The following SLC43A1 variants were observed in gnomAD, a reference collection of about 807,000 sequenced individuals.
SLC43A1 encodes large neutral amino acids transporter small subunit 3.
SLC43A1 carries 31 observed loss-of-function variants against 59.5 expected under a neutral mutation model. The observed-to-expected ratio is 0.52, with a 90% CI of 0.39 to 0.70. SLC43A1 has a LOEUF of 0.70. Ranked by LOEUF, SLC43A1 falls within the 30% of genes least tolerant of loss-of-function variation. The pLI, the probability that SLC43A1 is intolerant of heterozygous loss-of-function variation, is 0.00. For missense variants in SLC43A1, 598 were observed against 717.8 expected, an observed-to-expected ratio of 0.83 and a Z score of 1.91; for synonymous variants, 259 against 290.9, an observed-to-expected ratio of 0.89 and a Z score of 1.12.
At chr11:57,512,523 GAC>G (rs1378428458) in intron 2 of SLC43A1, among the ~76,000 whole-genome samples, 1 of 150,282 alleles carries the variant, frequency 6.7e-6, no homozygotes, top group Non-Finnish European at 1.5e-5. Flanking sequence ...CAGCCTGGGT[GAC>G]AGAGTGAGAC....
rs1264630441 is a variant in SLC43A1 at position 57,515,572 on chromosome 11, CA to C, written c.-143del. The stretch of plus-strand genomic sequence containing the variant: ...CCGGCGCTGGGGTCTTCTCTGCGTG[CA>C]GGACCCGGCGGCCACGGAGCTTCAG... On this transcript the variant is annotated 5_prime_UTR_variant, in exon 1 of 15. Transcript: ENST00000278426. This position sits in a 1 kb window ranked among gnomAD's most constrained non-coding sequence, Gnocchi z 5.3. 2.0e-5 allele frequency: 3 copies of C among 152,254 alleles called. No individual in the cohort carries two copies. Among genetic ancestry groups the C allele is most frequent in the Admixed American group, 1.3e-4 (2 of 15,294 alleles). The allele number at this position is 152,254 out of a possible 1,614,324, so 9.4% of individuals were successfully genotyped here.
chr11:57,489,359 G>A lies in SLC43A1; in HGVS notation c.1227C>T (p.Arg409=). 1 of 1,614,206 alleles carries A rather than the reference G, an allele frequency of 6.2e-7. No individual in the cohort carries two copies. Among genetic ancestry groups the A allele is most frequent in the Non-Finnish European group, 8.5e-7 (1 of 1,180,034 alleles). The part of the protein sequence containing the change: ...DGVATKSIRP[R]YCKIQKLTNA... ...TGGTGAGCTTTTGGATCTTGCAGTA[G>A]CGTGGTCTGATGGATTTGGTAGCAA... The change falls in exon 12 of 15, where the codon CGC becomes CGT. Residue 409 remains arginine (R), a synonymous_variant. Transcript: ENST00000278426.
At chr11:57,492,258 T>A (rs1449811704) in intron 8 of SLC43A1, among the ~76,000 whole-genome samples, 3 of 139,134 alleles carry the variant, frequency 2.2e-5, no homozygotes, top group African/African-American at 8.0e-5. Flanking sequence ...ATATATATAT[T>A]TATATATATA....
At chr11:57,493,682 A>G (rs976454468) in intron 8 of SLC43A1, among the ~76,000 whole-genome samples, 2 of 152,132 alleles carry the variant, frequency 1.3e-5, no homozygotes, top group East Asian at 1.9e-4. Flanking sequence ...ACCTGATGCA[A>G]TAAGCTCAGA....
chr11:57,513,498 A>G (rs1356914830), intron 2 of SLC43A1, among the ~76,000 whole-genome samples: 1 of 152,246 alleles, frequency 6.6e-6, no homozygotes, highest in Non-Finnish European at 1.5e-5. Context: ...GCCCTCCTAG[A>G]GTAAATGAGG....
Position 57,506,841 on chromosome 11 carries a change from C to T in SLC43A1, c.155-5512G>A, listed in dbSNP as rs553354466. The stretch of plus-strand genomic sequence containing the variant: ...GAGGACTAAATATCTAACTAACAAA[C>T]AGTAAATGCCTAAAGAACTTTAGCA... On this transcript the variant is annotated intron_variant, in intron 2 of 14. Transcript: ENST00000278426. 7.3e-4 allele frequency among the ~76,000 whole-genome samples: 111 copies of T among 152,320 alleles called. 1 individual carries two copies. In the South Asian group the frequency reaches 0.021, roughly 29 times the overall value.
In SLC43A1 at chr11:57,496,142, GCCACA is replaced by G. The variant is rs766829618; in HGVS notation, c.576_580del (p.Val193LeufsTer32). Reference sequence around the variant, plus strand: ...CCAGGTGAACATGATGACCACGAAGGCCACACCGGCATCGTAGATCAGCTGTGAGA... The same window carrying G: ...CCAGGTGAACATGATGACCACGAAGGCCGGCATCGTAGATCAGCTGTGAGA... On this transcript the variant is annotated frameshift_variant, in exon 7 of 15. Transcript: ENST00000278426. LOFTEE classifies it high-confidence loss of function. 7.4e-6 allele frequency: 12 copies of G among 1,613,976 alleles called. No individual in the cohort carries two copies. Among genetic ancestry groups the G allele is most frequent in the Middle Eastern group, 1.6e-4 (1 of 6,080 alleles).
intron 2 of SLC43A1, among the ~76,000 whole-genome samples, chr11:57,505,968 T>C (rs1944384129): frequency 6.6e-6 from 1 of 152,200 alleles, no homozygotes; most frequent in Non-Finnish European, 1.5e-5. Context: ...AATGATCCCA[T>C]TTTCTTTGTC....
At chr11:57,487,296 C>A in intron 13 of SLC43A1, 78 bp from the exon 14 acceptor site, 1 of 1,538,716 alleles carries the variant, frequency 6.5e-7, no homozygotes, top group South Asian at 1.2e-5. Context: ...CCCCTCCCCA[C>A]CATGGTCCCC....
chr11:57,513,846 G>T, intron 2 of SLC43A1, 112 bp downstream of exon 2: 1 of 819,058 alleles, frequency 1.2e-6, no homozygotes, highest in Non-Finnish European at 2.0e-6. Context: ...AAGTGAGGCT[G>T]TCCAACTGCT....
intron 11 of SLC43A1, 97 bp downstream of exon 11, chr11:57,491,127 T>C (rs1943884111): frequency 1.4e-6 from 2 of 1,399,354 alleles, no homozygotes; most frequent in African/African-American, 2.9e-5. Flanking sequence ...CTAGGGTTCT[T>C]GGGAGAAAGC....
At chr11:57,492,458 A>T (rs993964653) in intron 8 of SLC43A1, among the ~76,000 whole-genome samples, 54 of 133,782 alleles carry the variant, frequency 4.0e-4, no homozygotes, top group Non-Finnish European at 6.7e-4. Context: ...ATATAATATA[A>T]ATATATATAT....
chr11:57,503,813 C>T (rs957186269), intron 2 of SLC43A1, among the ~76,000 whole-genome samples: 12 of 152,192 alleles, frequency 7.9e-5, no homozygotes, highest in African/African-American at 2.9e-4. Context: ...AATGTTGACC[C>T]TTATAGTGTT....
Position 57,514,121 on chromosome 11 carries a change from G to A in SLC43A1, c.-10C>T, listed in dbSNP as rs778315442. 28 of 1,580,542 alleles carry A rather than the reference G, an allele frequency of 1.8e-5. No homozygotes were observed. The African/African-American group carries it at 2.2e-4, about 12-fold the overall frequency. ...GCAGCGTGGGGGCCATGCTGGCCCCGAGCCTGCACAGAAACAGAGCGCTGG... is the reference window on the plus strand; with the variant it reads ...GCAGCGTGGGGGCCATGCTGGCCCCAAGCCTGCACAGAAACAGAGCGCTGG... On this transcript the variant is annotated 5_prime_UTR_variant, in exon 2 of 15. Coordinates refer to ENST00000278426, the MANE Select transcript of SLC43A1 (RefSeq NM_003627.6). This position sits in a 1 kb window ranked among gnomAD's most constrained non-coding sequence, Gnocchi z 5.5.
At chr11:57,485,302 A>G in intron 14 of SLC43A1, 60 bp from the exon 15 acceptor site, 1 of 1,512,502 alleles carries the variant, frequency 6.6e-7, no homozygotes, top group Non-Finnish European at 8.9e-7. Context: ...TTAGCCTCCC[A>G]CAGGGAGGAG....
intron 2 of SLC43A1, 128 bp downstream of exon 2, chr11:57,513,830 G>T: frequency 1.4e-6 from 1 of 733,390 alleles, no homozygotes; most frequent in Non-Finnish European, 2.4e-6. Flanking sequence ...GTTTGAAGAG[G>T]TCGAGAAGTG....
intron 5 of SLC43A1, among the ~76,000 whole-genome samples, chr11:57,499,026 T>TA (rs906356671): frequency 1.3e-5 from 2 of 151,902 alleles, no homozygotes; most frequent in East Asian, 3.9e-4. Flanking sequence ...ACAGCTCTGG[T>TA]AAAAAAGGCG....
chr11:57,491,809 G>GGAGGCTCCACAGGAAAGTGGGGGAGCA lies in SLC43A1; in HGVS notation c.898_924dup (p.Cys300_Leu308dup). On this transcript the variant is annotated inframe_insertion, in exon 9 of 15. Coordinates refer to ENST00000278426, the MANE Select transcript of SLC43A1 (RefSeq NM_003627.6). ...CGCAGCTGGGTCATGCCCATGGTGA[G>GGAGGCTCCACAGGAAAGTGGGGGAGCA]GAGGCTCCACAGGAAAGTGGGGGAG... is the stretch of plus-strand genomic sequence containing the variant. 6.2e-7 allele frequency: 1 copy of GGAGGCTCCACAGGAAAGTGGGGGAGCA among 1,614,230 alleles called. No individual in the cohort carries two copies. The highest frequency in any genetic ancestry group is 8.5e-7 in the Non-Finnish European group (1 of 1,180,034).
At chr11:57,485,411 C>A (rs1019305650) in intron 14 of SLC43A1, among the ~76,000 whole-genome samples, 169 bp from the exon 15 acceptor site, 1 of 152,222 alleles carries the variant, frequency 6.6e-6, no homozygotes, top group Non-Finnish European at 1.5e-5. Flanking sequence ...TAATGTTCAG[C>A]AATTCTGCAA....
Sources: allele counts gnomAD v4.1 joint callset (sites outside exome capture counted in the v4.1 genomes callset), GRCh38; gene constraint gnomAD v4.1.1; non-coding constraint Gnocchi (gnomAD v3.1); transcripts MANE v1.5; gene names NCBI Gene and HGNC (gene_info 2026-07-23, HGNC 2026-07-21).